Variants in MED25 observed in about 807,000 individuals in gnomAD.
MED25 encodes the protein mediator of RNA polymerase II transcription subunit 25.
Under a neutral mutation model 89.4 loss-of-function variants are expected in MED25, and 62 were observed. The ratio of observed to expected loss-of-function variants is 0.69; its 90% CI spans 0.57 to 0.86. The LOEUF (loss-of-function observed/expected upper bound fraction) is 0.86. Ranked by LOEUF, MED25 falls within the 40% of genes least tolerant of loss-of-function variation. The probability of loss-of-function intolerance (pLI) is 0.00; values close to 1 mark genes in which losing one functional copy is unlikely to be tolerated. For synonymous variants in MED25, 449 were observed against 427.9 expected, an observed-to-expected ratio of 1.05 and a Z score of -0.61; for missense variants, 905 against 1,005.2, an observed-to-expected ratio of 0.90 and a Z score of 1.35.
intron 3 of MED25, chr19:49,819,653 G>A: frequency 8.5e-6 from 3 of 353,364 alleles, no homozygotes; most frequent in Non-Finnish European, 1.7e-5. Context: ...TCCCATTCAG[G>A]GAGGCCTGGC....
rs1400226850 is a variant in MED25, at chr19:49,835,703, C to T, written c.1747-24C>T. On this transcript the variant is annotated intron_variant, in intron 15 of 17. Transcript: ENST00000312865. The surrounding 1 kb of genome is among the most constrained non-coding windows in gnomAD (Gnocchi z 6.2). ...GGCGTGAGGCCCTGCCCATCTCCCTCACCCCTGTGTCTCTTCCCACCAGCT... is the reference window on the plus strand; with the variant it reads ...GGCGTGAGGCCCTGCCCATCTCCCTTACCCCTGTGTCTCTTCCCACCAGCT... 19 of 1,603,608 alleles carry T rather than the reference C, an allele frequency of 1.2e-5. No homozygotes were observed. Among genetic ancestry groups the T allele is most frequent in the Non-Finnish European group, 1.5e-5 (18 of 1,175,990 alleles).
Position 49,836,738 on chromosome 19 carries a change from G to T in MED25, c.2147-109G>T. The T allele has an allele frequency of 1.2e-6, 1 of 819,512 alleles. No homozygotes were observed. The highest frequency in any genetic ancestry group is 1.7e-5 in the African/African-American group (1 of 59,304). The allele number at this position is 819,512 out of a possible 1,614,324, so 50.8% of individuals were successfully genotyped here. ...ATTTGTAACTAGATGGGGCCAGAAG[G>T]TGCTTCTGTTGGGTCCCCCAAGGGC... On this transcript the variant is annotated intron_variant, in intron 17 of 17. Coordinates refer to ENST00000312865, the MANE Select transcript of MED25 (RefSeq NM_030973.4). The surrounding 1 kb of genome is among the most constrained non-coding windows in gnomAD (Gnocchi z 5.1).
rs963353979 is a variant in MED25 at position 49,825,699 on chromosome 19, C to T, written c.306-2750C>T. ...ATACAAAATTAGCTGGGCGTGGTGC[C>T]GCATGCCTGTAATCCCAGCTACTCG... On this transcript the variant is annotated intron_variant, in intron 3 of 17. Transcript: ENST00000312865. 5.9e-5 allele frequency among the ~76,000 whole-genome samples: 9 copies of T among 151,914 alleles called. 1 individual carries two copies. In the South Asian group the frequency reaches 1.5e-3, roughly 24 times the overall value.
At chr19:49,818,948 G>A (rs1288877858) in intron 2 of MED25, 2 of 586,402 alleles carry the variant, frequency 3.4e-6, no homozygotes, top group South Asian at 3.8e-5. Flanking sequence ...GAGGGAGGAG[G>A]TGCTGGGGCC....
At chr19:49,833,635 A>G (rs1600329147) in intron 13 of MED25, 1 of 152,298 alleles carries the variant, frequency 6.6e-6, no homozygotes, top group Admixed American at 6.5e-5. Flanking sequence ...CTCGGAAAAA[A>G]TGTTCTCTTA....
chr19:49,836,629 T>C lies in MED25; in HGVS notation c.2147-218T>C. The C allele has an allele frequency of 1.3e-6, 1 of 744,326 alleles. No individual in the cohort carries two copies. Among genetic ancestry groups the C allele is most frequent in the Admixed American group, 2.0e-5 (1 of 50,030 alleles). The allele number at this position is 744,326 out of a possible 1,614,324, so 46.1% of individuals were successfully genotyped here. A position where few individuals can be genotyped will look rare whatever the true frequency, so the allele number is the denominator to read the frequency against. On this transcript the variant is annotated intron_variant, in intron 17 of 17. Coordinates refer to ENST00000312865, the MANE Select transcript of MED25 (RefSeq NM_030973.4). This position sits in a 1 kb window ranked among gnomAD's most constrained non-coding sequence, Gnocchi z 5.1. ...TTTCCCATGATCCTCCTGTGTGTGC[T>C]CCTGGGATTGCTGGGAAATGTGGTC...
In MED25 at chr19:49,832,748, A is replaced by G. The variant is rs948758615; in HGVS notation, c.1482+333A>G. 7.7e-6 allele frequency: 3 copies of G among 388,580 alleles called. No homozygotes were observed. In the Admixed American group the frequency reaches 1.1e-4, roughly 14 times the overall value. The allele number at this position is 388,580 out of a possible 1,614,324, so 24.1% of individuals were successfully genotyped here. A position where few individuals can be genotyped will look rare whatever the true frequency, so the allele number is the denominator to read the frequency against. ...CATTACCACAAGCAGAGGGGCTTAA[A>G]ACAACAGAAACGTGTTCTATCCCAG... On this transcript the variant is annotated intron_variant, in intron 13 of 17. Transcript: ENST00000312865.
At chr19:49,821,045 G>A (rs1568619041) in intron 3 of MED25, among the ~76,000 whole-genome samples, 1 of 152,350 alleles carries the variant, frequency 6.6e-6, no homozygotes, top group East Asian at 1.9e-4. Context: ...GTGAGTCAAG[G>A]ACACAAGAGT....
chr19:49,837,557 C>T (rs554939600), downstream of MED25, among the ~76,000 whole-genome samples: 3 of 152,250 alleles, frequency 2.0e-5, no homozygotes, highest in South Asian at 6.2e-4. Flanking sequence ...CAGAAAGACC[C>T]CTCTCAGCTG....
Position 49,836,912 on chromosome 19 carries a change from A to G in MED25, c.2212A>G (p.Met738Val). ...VPQPGLQPSVMEDDILMDLI is the reference protein window; with the variant it reads ...VPQPGLQPSVVEDDILMDLI The stretch of plus-strand genomic sequence containing the variant: ...CCAGCCGGGCCTGCAGCCCAGCGTC[A>G]TGGAGGACGACATCCTCATGGATCT... The change falls in exon 18 of 18, where the codon ATG becomes GTG. Residue 738 changes from methionine (M) to valine (V), a missense_variant. By Grantham distance (21) the Met-to-Val change is conservative (BLOSUM62 1). Coordinates refer to ENST00000312865, the MANE Select transcript of MED25 (RefSeq NM_030973.4). The surrounding 1 kb of genome is among the most constrained non-coding windows in gnomAD (Gnocchi z 5.1). 1.2e-6 allele frequency: 2 copies of G among 1,613,082 alleles called. No homozygotes were observed. Among genetic ancestry groups the G allele is most frequent in the Non-Finnish European group, 1.7e-6 (2 of 1,179,862 alleles).
At chr19:49,828,593 GC>G (rs2074031454) in intron 4 of MED25, 46 bp downstream of exon 4, 1 of 1,469,976 alleles carries the variant, frequency 6.8e-7, no homozygotes, top group Non-Finnish European at 9.5e-7. Context: ...TCTCTGCCTG[GC>G]CTGGAACCAC....
chr19:49,829,845 T>A lies in MED25; in HGVS notation c.585T>A (p.Phe195Leu), dbSNP rs756619697. ...PRKLPALRLL[F>L]EKAAPPALLE... is the part of the protein sequence containing the mutation. Reference sequence around the variant, plus strand: ...AGCTGCCTGCGCTTCGGCTTCTGTTTGAGAAGGCAGCCCCCCCGGCCTTGC... The same window carrying A: ...AGCTGCCTGCGCTTCGGCTTCTGTTAGAGAAGGCAGCCCCCCCGGCCTTGC... The change falls in exon 6 of 18, where the codon TTT becomes TTA. Residue 195 changes from phenylalanine (F) to leucine (L), a missense_variant. Around this residue, in one of 3 missense-constraint regions of MED25, gnomAD observed 501 missense variants for 526.9 expected, o/e 0.95. Transcript: ENST00000312865. The surrounding 1 kb of genome is among the most constrained non-coding windows in gnomAD (Gnocchi z 4.6). 2 of 1,612,044 alleles carry A rather than the reference T, an allele frequency of 1.2e-6. No homozygotes were observed. Among genetic ancestry groups the A allele is most frequent in the East Asian group, 4.5e-5 (2 of 44,836 alleles).
rs769259895 is a variant in MED25, at chr19:49,835,653, G to A, written c.1746+48G>A. ...CGGGGCTGGGTTGGGGAGGCCCCAA[G>A]GCTGCGCTCTGTGCCTGCAGAAGGG... is the stretch of plus-strand genomic sequence containing the variant. On this transcript the variant is annotated intron_variant, in intron 15 of 17. Transcript: ENST00000312865. The surrounding 1 kb of genome is among the most constrained non-coding windows in gnomAD (Gnocchi z 6.2). 1.9e-6 allele frequency: 3 copies of A among 1,564,046 alleles called. No individual in the cohort carries two copies. Among genetic ancestry groups the A allele is most frequent in the African/African-American group, 2.7e-5 (2 of 73,488 alleles).
Position 49,818,338 on chromosome 19 carries a change from G to C in MED25, c.-4G>C. 4 of 1,581,998 alleles carry C rather than the reference G, an allele frequency of 2.5e-6. No individual in the cohort carries two copies. The highest frequency in any genetic ancestry group is 2.6e-6 in the Non-Finnish European group (3 of 1,163,606). The stretch of plus-strand genomic sequence containing the variant: ...CAGTGGTGGTGGCGGGTACCGCACG[G>C]GGTATGGTCCCCGGGTCCGAGGGCC... On this transcript the variant is annotated 5_prime_UTR_variant, in exon 1 of 18. Transcript: ENST00000312865.
Position 49,829,148 on chromosome 19 carries a change from G to A in MED25, c.525+58G>A. 3 of 1,508,876 alleles carry A rather than the reference G, an allele frequency of 2.0e-6. No homozygotes were observed. 93.5% of individuals were successfully genotyped at this position (1,508,876 alleles called of 1,614,324 possible). On this transcript the variant is annotated intron_variant, in intron 5 of 17. Transcript: ENST00000312865. This position sits in a 1 kb window ranked among gnomAD's most constrained non-coding sequence, Gnocchi z 4.6. ...TGGGGGCCCGGAGTCTTGGGTCTGA[G>A]GCAGGAGGCACTGAGGGCCTGGACT...
intron 12 of MED25, 26 bp from the exon 13 acceptor site, chr19:49,832,282 C>T: frequency 6.4e-7 from 1 of 1,556,194 alleles, no homozygotes; most frequent in East Asian, 2.3e-5. Context: ...CACCAGCATG[C>T]CAGCCGACTT....
intron 3 of MED25, among the ~76,000 whole-genome samples, chr19:49,820,963 C>T (rs2073977442): frequency 6.6e-6 from 1 of 152,206 alleles, no homozygotes; most frequent in African/African-American, 2.4e-5. Flanking sequence ...ATTACTTATT[C>T]TTAGCTGTAT....
In MED25 at chr19:49,834,758, TTCTC is replaced by T. The variant is rs1198715925; in HGVS notation, c.1483-225_1483-222del. ...GGTTGAAGAGCTGGGCTCCAGCACTTTCTCTCCGCTTTCCCTCTCAGTGGGCAGC... is the reference window on the plus strand; with the variant it reads ...GGTTGAAGAGCTGGGCTCCAGCACTTTCCGCTTTCCCTCTCAGTGGGCAGC... On this transcript the variant is annotated intron_variant, in intron 13 of 17. Coordinates refer to ENST00000312865, the MANE Select transcript of MED25 (RefSeq NM_030973.4). This position sits in a 1 kb window ranked among gnomAD's most constrained non-coding sequence, Gnocchi z 4.1. 1 of 582,556 alleles carries T rather than the reference TTCTC, an allele frequency of 1.7e-6. No individual in the cohort carries two copies. The highest frequency in any genetic ancestry group is 3.1e-6 in the Non-Finnish European group (1 of 325,994). The allele number at this position is 582,556 out of a possible 1,614,324, so 36.1% of individuals were successfully genotyped here. A position where few individuals can be genotyped will look rare whatever the true frequency, so the allele number is the denominator to read the frequency against.
rs1483157550 is a variant in MED25, at chr19:49,819,158, T to C, written c.181-14T>C. The C allele has an allele frequency of 6.2e-7, 1 of 1,614,088 alleles. No homozygotes were observed. The highest frequency in any genetic ancestry group is 1.3e-5 in the African/African-American group (1 of 75,048). ...GAGGTCCCAGATTAAAAGTTTTCTG[T>C]CCTCCCCTCCCAGTATGGGGGGACC... is the stretch of plus-strand genomic sequence containing the variant. On this transcript the variant is annotated splice_polypyrimidine_tract_variant and intron_variant, in intron 2 of 17. Transcript: ENST00000312865.
Sources: allele counts gnomAD v4.1 joint callset (sites outside exome capture counted in the v4.1 genomes callset), GRCh38; gene constraint gnomAD v4.1.1; regional missense constraint gnomAD v4.1.1; non-coding constraint Gnocchi (gnomAD v3.1); transcripts MANE v1.5; gene names NCBI Gene and HGNC (gene_info 2026-07-23, HGNC 2026-07-21).